Variants in ZNF677 observed in about 807,000 individuals in gnomAD.
ZNF677 encodes the protein hypothetical protein MGC48625.
ZNF677 carries 5 observed loss-of-function variants against 8.1 expected under a neutral mutation model. That is an observed-to-expected ratio of 0.62 (90% CI 0.32 to 1.29). The LOEUF (loss-of-function observed/expected upper bound fraction) is 1.29. ZNF677 is among the 50% of genes most tolerant of loss of function. ZNF677 has a pLI of 0.05. For synonymous variants in ZNF677, 221 were observed against 225.6 expected (o/e 0.98, Z 0.18); for missense variants, 685 against 685.9 (o/e 1.00, Z 0.01).
chr19:53,237,870 G>A lies in ZNF677; in HGVS notation c.857C>T (p.Ser286Phe), dbSNP rs749604898. The A allele has an allele frequency of 3.0e-5, 49 of 1,613,566 alleles. No homozygotes were observed. Among genetic ancestry groups the A allele is most frequent in the Non-Finnish European group, 4.2e-5 (49 of 1,180,016 alleles). Residue 286 changes from serine (S) to phenylalanine (F), a missense_variant, in exon 5 of 5, where the codon TCT becomes TTT. Coordinates refer to ENST00000598513, the MANE Select transcript of ZNF677 (RefSeq NM_182609.4). ...GTTACATTTGTAAGGTCTCTGTCCA[G>A]AGTGAATTCTCTGATGATTAGTGAG... ...SNLTNHQRIH[S>F]GQRPYKCNEC... is the part of the protein sequence containing the mutation.
Position 53,237,175 on chromosome 19 carries a change from T to A in ZNF677, c.1552A>T (p.Thr518Ser), listed in dbSNP as rs2090979715. ...TGGGTAAAAGCTTTGCCACATTCAGTACATTTGTAAGGTTTCTCTCCAGTA... is the reference window on the plus strand; with the variant it reads ...TGGGTAAAAGCTTTGCCACATTCAGAACATTTGTAAGGTTTCTCTCCAGTA... ...IHTGEKPYKCTECGKAFTQFA... is the reference protein window; with the variant it reads ...IHTGEKPYKCSECGKAFTQFA... Residue 518 changes from threonine (T) to serine (S), a missense_variant, in exon 5 of 5, where the codon ACT (threonine) becomes TCT (serine). By Grantham distance (58) the Thr-to-Ser change is moderately conservative. Transcript: ENST00000598513. The A allele has an allele frequency of 6.2e-7, 1 of 1,612,844 alleles. No individual in the cohort carries two copies. The highest frequency in any genetic ancestry group is 1.7e-5 in the Admixed American group (1 of 59,914).
chr19:53,253,914 G>A (rs1005600697), intron 1 of ZNF677, among the ~76,000 whole-genome samples: 2 of 152,080 alleles, frequency 1.3e-5, no homozygotes, highest in Non-Finnish European at 1.5e-5. Flanking sequence ...AGCAGCATAC[G>A]GTGTCACAGT....
rs527475902 is a variant in ZNF677, at chr19:53,248,215, A to G, written c.15+3321T>C. The stretch of plus-strand genomic sequence containing the variant: ...TCGATGCTAAGTTGGCTTCAATTGC[A>G]TAACAACTTCTGTTTCTATATAGCT... On this transcript the variant is annotated intron_variant, in intron 3 of 4. Coordinates refer to ENST00000598513, the MANE Select transcript of ZNF677 (RefSeq NM_182609.4). Among the ~76,000 whole-genome samples, 6 of 152,346 alleles carry G rather than the reference A, an allele frequency of 3.9e-5. No individual in the cohort carries two copies. In the South Asian group the frequency reaches 8.3e-4, roughly 21 times the overall value.
chr19:53,251,900 A>G (rs2091240233), intron 2 of ZNF677, among the ~76,000 whole-genome samples: 1 of 152,226 alleles, frequency 6.6e-6, no homozygotes, highest in South Asian at 2.1e-4. Flanking sequence ...GTCCAAGTTC[A>G]TGGCCAGTAT....
chr19:53,246,056 C>CT (rs1397139692), intron 3 of ZNF677, among the ~76,000 whole-genome samples: 2 of 151,888 alleles, frequency 1.3e-5, no homozygotes, highest in Non-Finnish European at 2.9e-5. Context: ...CAGTGGCTCA[C>CT]GCCTGTAATC....
intron 3 of ZNF677, among the ~76,000 whole-genome samples, chr19:53,245,079 T>C (rs777192492): frequency 1.3e-5 from 2 of 152,160 alleles, no homozygotes; most frequent in Non-Finnish European, 2.9e-5. Flanking sequence ...GCTTATCTTA[T>C]GCCACAAATA....
chr19:53,245,098 C>A (rs1041708849), intron 3 of ZNF677, among the ~76,000 whole-genome samples: 11 of 152,064 alleles, frequency 7.2e-5, no homozygotes, highest in Non-Finnish European at 1.6e-4. Context: ...TAAAAATAAA[C>A]TCAAAACTGA....
chr19:53,251,598 AAGTC>A lies in ZNF677; in HGVS notation c.-52_-49del. The A allele has an allele frequency of 1.2e-6, 2 of 1,612,748 alleles. No homozygotes were observed. The highest frequency in any genetic ancestry group is 1.7e-6 in the Non-Finnish European group (2 of 1,179,260). ...CTTCCTCTGAGTTTCTTTCTCAGGT[AAGTC>A]AGTCTGTATGTCAAAAATATGTTGT... On this transcript the variant is annotated 5_prime_UTR_variant, in exon 3 of 5. An upstream open reading frame in the 5' UTR loses its in-frame stop. Transcript: ENST00000598513.
At position 53,237,302 on chromosome 19, in the gene ZNF677, C is replaced by T; in HGVS notation, c.1425G>A (p.Trp475Ter). ...DKAFIKRSHL[W>*]GHQRTHTGEK... Reference sequence around the variant, plus strand: ...CTCCAGTATGAGTTCTCTGATGACCCCAAAGGTGTGAACGTTTGATAAAAG... The same window carrying T: ...CTCCAGTATGAGTTCTCTGATGACCTCAAAGGTGTGAACGTTTGATAAAAG... Residue 475 changes from tryptophan (W) to a stop codon, truncating the protein, a stop_gained, in exon 5 of 5, where the codon TGG (tryptophan) becomes TGA (stop). Transcript: ENST00000598513. LOFTEE classifies it low-confidence loss of function (END_TRUNC). 1 of 1,613,426 alleles carries T rather than the reference C, an allele frequency of 6.2e-7. No individual in the cohort carries two copies. Among genetic ancestry groups the T allele is most frequent in the South Asian group, 1.1e-5 (1 of 91,028 alleles).
At chr19:53,249,292 T>C (rs1239001085) in intron 3 of ZNF677, 1 of 152,228 alleles carries the variant, frequency 6.6e-6, no homozygotes, top group Non-Finnish European at 1.5e-5. Context: ...AGAAGCATCA[T>C]TAAGCCAGTA....
intron 3 of ZNF677, among the ~76,000 whole-genome samples, chr19:53,246,544 ATAT>A: frequency 6.6e-6 from 1 of 151,472 alleles, no homozygotes; most frequent in Non-Finnish European, 1.5e-5. Flanking sequence ...ACACACACGA[ATAT>A]TATTCAGCCT....
At chr19:53,239,993 G>A (rs922707641) in intron 4 of ZNF677, 1 of 152,218 alleles carries the variant, frequency 6.6e-6, no homozygotes, top group Non-Finnish European at 1.5e-5. Flanking sequence ...AGGAAGAAAT[G>A]TTTCAAGGCA....
chr19:53,241,872 G>A, intron 4 of ZNF677: 1 of 398,542 alleles, frequency 2.5e-6, no homozygotes, highest in Admixed American at 4.4e-5. Context: ...TCGCCTATTG[G>A]TGGGTTATCA....
At chr19:53,241,609 C>T (rs2091050493) in intron 4 of ZNF677, 1 of 376,356 alleles carries the variant, frequency 2.7e-6, no homozygotes, top group Non-Finnish European at 4.7e-6. Context: ...ATATATCTAA[C>T]CAGCGTTGTC....
At chr19:53,251,339 C>A (rs1042276337) in intron 3 of ZNF677, among the ~76,000 whole-genome samples, 197 bp downstream of exon 3, 2 of 152,162 alleles carry the variant, frequency 1.3e-5, no homozygotes, top group Non-Finnish European at 1.5e-5. Flanking sequence ...ATCATCTAAA[C>A]GGAGCCTTTT....
rs28638014 is a variant in ZNF677, at chr19:53,254,076, C to T, written c.-127+758G>A. Among the ~76,000 whole-genome samples the T allele has an allele frequency of 5.2e-3, 788 of 152,280 alleles. 14 individuals carry two copies. The highest frequency in any genetic ancestry group is 0.018 in the African/African-American group (757 of 41,540). Reference sequence around the variant, plus strand: ...GCAGAAGCCTCACACCGTAGTTTTGCAATTTTCATGCTCTTCTGCACAAAC... The same window carrying T: ...GCAGAAGCCTCACACCGTAGTTTTGTAATTTTCATGCTCTTCTGCACAAAC... On this transcript the variant is annotated intron_variant, in intron 1 of 4. Coordinates refer to ENST00000598513, the MANE Select transcript of ZNF677 (RefSeq NM_182609.4).
intron 4 of ZNF677, chr19:53,239,550 G>A (rs1391075558): frequency 1.3e-5 from 2 of 151,730 alleles, no homozygotes; most frequent in African/African-American, 4.8e-5. Context: ...TACATATAAT[G>A]AAAGCTGTGT....
intron 3 of ZNF677, among the ~76,000 whole-genome samples, chr19:53,246,119 C>A (rs2091134254): frequency 6.6e-6 from 1 of 152,078 alleles, no homozygotes; most frequent in African/African-American, 2.4e-5. Context: ...GAGATTGAGA[C>A]CATCCTGGCT....
At chr19:53,243,469 G>A in intron 4 of ZNF677, 1 of 493,546 alleles carries the variant, frequency 2.0e-6, no homozygotes, top group Non-Finnish European at 3.5e-6. Flanking sequence ...AAAGGCACAG[G>A]GATAAAACCA....
Sources: gnomAD v4.1 joint callset for allele counts (sites outside exome capture counted in the v4.1 genomes callset) on GRCh38, gnomAD v4.1.1 for gene constraint, MANE v1.5 for transcripts, NCBI Gene and HGNC (gene_info 2026-07-23, HGNC 2026-07-21) for gene names.